Variants in IRAK2 observed in about 807,000 individuals in gnomAD.
The protein encoded by IRAK2 is interleukin-1 receptor-associated kinase-like 2.
A neutral mutation model predicts 72.0 loss-of-function variants in IRAK2; 57 were observed. That is an observed-to-expected ratio of 0.79 (90% CI 0.64 to 0.99). The LOEUF is 0.99. Among genes scored for constraint, IRAK2 ranks in the 50% least tolerant of loss-of-function variants. The pLI is 0.00. For missense variants in IRAK2, 790 were observed against 794.4 expected, an observed-to-expected ratio of 0.99 and a Z score of 0.07; for synonymous variants, 293 against 312.7, an observed-to-expected ratio of 0.94 and a Z score of 0.67.
intron 3 of IRAK2, among the ~76,000 whole-genome samples, chr3:10,201,283 G>A (rs535856898): frequency 4.5e-4 from 69 of 152,306 alleles, no homozygotes; most frequent in Non-Finnish European, 5.9e-5. Context: ...ATGTACTGCC[G>A]GGTCCCTGTT....
intron 3 of IRAK2, among the ~76,000 whole-genome samples, chr3:10,200,743 T>A (rs973030565): frequency 9.9e-5 from 15 of 152,060 alleles, no homozygotes; most frequent in African/African-American, 2.6e-4. Context: ...CAAAAAATTT[T>A]AAAAAAATCA....
chr3:10,238,967 C>A lies in IRAK2; in HGVS notation c.1693C>A (p.Leu565Met). The change falls in exon 12 of 13, where the codon CTG (leucine) becomes ATG (methionine). Residue 565 changes from leucine to methionine, a missense_variant. Physicochemically the swap from Leu to Met is conservative, Grantham distance 15 (BLOSUM62 2). Coordinates refer to ENST00000256458, the MANE Select transcript of IRAK2 (RefSeq NM_001570.4). ...LLPTENGEGR[L>M]RVIVGREADS... ...CCCCACAGAGAATGGGGAAGGAAGG[C>A]TGCGGGTCATCGTGGGAAGGGAGGC... The A allele has an allele frequency of 1.2e-6, 2 of 1,613,992 alleles. No homozygotes were observed. Among genetic ancestry groups the A allele is most frequent in the Middle Eastern group, 1.7e-4 (1 of 6,058 alleles).
chr3:10,172,427 A>G (rs1696810146), intron 1 of IRAK2, among the ~76,000 whole-genome samples: 2 of 149,342 alleles, frequency 1.3e-5, no homozygotes, highest in South Asian at 4.4e-4. Flanking sequence ...AATCCCAGCT[A>G]TTCGGGAGGC....
intron 8 of IRAK2, among the ~76,000 whole-genome samples, chr3:10,220,717 AG>A (rs1193294981): frequency 6.6e-6 from 1 of 152,154 alleles, no homozygotes; most frequent in Non-Finnish European, 1.5e-5. Context: ...CTGGGATTAC[AG>A]GTGAGAGCCA....
intron 12 of IRAK2, among the ~76,000 whole-genome samples, chr3:10,241,418 G>A (rs1332249419): frequency 6.6e-6 from 1 of 150,870 alleles, no homozygotes; most frequent in East Asian, 2.0e-4. Context: ...AATTAGTTGG[G>A]CGTGGTGGTG....
At chr3:10,185,113 G>A (rs1382181893) in intron 2 of IRAK2, among the ~76,000 whole-genome samples, 1 of 151,294 alleles carries the variant, frequency 6.6e-6, no homozygotes, top group African/African-American at 2.5e-5. Flanking sequence ...TGTGATTCGC[G>A]AAGCATCCTA....
intron 10 of IRAK2, among the ~76,000 whole-genome samples, chr3:10,233,983 C>T (rs1373264382): frequency 1.3e-5 from 2 of 152,106 alleles, no homozygotes; most frequent in Non-Finnish European, 2.9e-5. Flanking sequence ...CTGCCTCAGC[C>T]GCCCTAGTAG....
At chr3:10,175,903 A>G (rs1468033338) in intron 1 of IRAK2, among the ~76,000 whole-genome samples, 2 of 145,038 alleles carry the variant, frequency 1.4e-5, no homozygotes, top group African/African-American at 5.6e-5. Flanking sequence ...AAAAAAAAAA[A>G]AAAAAAAAAA....
chr3:10,192,266 T>C (rs1271827917), intron 2 of IRAK2, among the ~76,000 whole-genome samples: 1 of 152,212 alleles, frequency 6.6e-6, no homozygotes, highest in Non-Finnish European at 1.5e-5. Flanking sequence ...CAAATTACTG[T>C]GTAGTTTGAC....
intron 2 of IRAK2, among the ~76,000 whole-genome samples, chr3:10,189,245 T>C (rs1697135140): frequency 6.6e-6 from 1 of 151,906 alleles, no homozygotes; most frequent in Admixed American, 6.6e-5. Context: ...TAAGGAATAG[T>C]GGACCAAGAA....
chr3:10,229,359 C>T (rs965371938), intron 10 of IRAK2, among the ~76,000 whole-genome samples: 1 of 152,244 alleles, frequency 6.6e-6, no homozygotes, highest in Non-Finnish European at 1.5e-5. Flanking sequence ...AAGCGATCTT[C>T]CCATCTTGGC....
chr3:10,187,063 T>G (rs1697087961), intron 2 of IRAK2, among the ~76,000 whole-genome samples: 1 of 151,268 alleles, frequency 6.6e-6, no homozygotes, highest in South Asian at 2.1e-4. Flanking sequence ...GTGCATTTCT[T>G]TTGAGTGTCA....
intron 3 of IRAK2, among the ~76,000 whole-genome samples, chr3:10,205,304 G>A (rs1036595307): frequency 6.6e-6 from 1 of 152,226 alleles, no homozygotes; most frequent in African/African-American, 2.4e-5. Context: ...GAGGAGGGGA[G>A]GGCTGGGTAG....
At position 10,242,456 on chromosome 3, in the gene IRAK2, A is replaced by T; in HGVS notation, c.*228A>T. Reference sequence around the variant, plus strand: ...AGTCTCTTCCTTTCTGGGCTTTGTTAGTCAGAGCAGGGGATCAGAGGAGAC... The same window carrying T: ...AGTCTCTTCCTTTCTGGGCTTTGTTTGTCAGAGCAGGGGATCAGAGGAGAC... On this transcript the variant is annotated 3_prime_UTR_variant, in exon 13 of 13. Coordinates refer to ENST00000256458, the MANE Select transcript of IRAK2 (RefSeq NM_001570.4). The T allele has an allele frequency of 3.0e-6, 1 of 336,940 alleles. No individual in the cohort carries two copies. Among genetic ancestry groups the T allele is most frequent in the Non-Finnish European group, 5.5e-6 (1 of 183,174 alleles). The allele number at this position is 336,940 out of a possible 1,614,324, so 20.9% of individuals were successfully genotyped here. A position where few individuals can be genotyped will look rare whatever the true frequency, so the allele number is the denominator to read the frequency against.
At chr3:10,211,859 C>T (rs1017876196) in intron 4 of IRAK2, among the ~76,000 whole-genome samples, 29 of 152,140 alleles carry the variant, frequency 1.9e-4, no homozygotes, top group African/African-American at 6.0e-4. Flanking sequence ...GGGCGGATCA[C>T]GAGGTCAGGA....
intron 3 of IRAK2, 67 bp downstream of exon 3, chr3:10,200,582 G>T: frequency 1.4e-6 from 2 of 1,414,550 alleles, no homozygotes; most frequent in Non-Finnish European, 1.9e-6. Flanking sequence ...TATCTATAAG[G>T]ACATTCAGCT....
chr3:10,204,941 C>G (rs920875776), intron 3 of IRAK2, among the ~76,000 whole-genome samples: 2 of 152,168 alleles, frequency 1.3e-5, no homozygotes, highest in Non-Finnish European at 2.9e-5. Context: ...TATCACCCAA[C>G]AAGTATCCCA....
At chr3:10,203,263 C>T (rs1697390075) in intron 3 of IRAK2, among the ~76,000 whole-genome samples, 1 of 151,932 alleles carries the variant, frequency 6.6e-6, no homozygotes, top group Admixed American at 6.6e-5. Context: ...TCCCAAAGTG[C>T]TGGGATTACA....
chr3:10,195,869 G>A (rs1183437713), intron 2 of IRAK2, among the ~76,000 whole-genome samples: 1 of 152,174 alleles, frequency 6.6e-6, no homozygotes, highest in Non-Finnish European at 1.5e-5. Flanking sequence ...CTTTCCAGGA[G>A]CATAAGCCCC....
Sources: allele counts gnomAD v4.1 joint callset (sites outside exome capture counted in the v4.1 genomes callset), GRCh38; gene constraint gnomAD v4.1.1; transcripts MANE v1.5; gene names NCBI Gene and HGNC (gene_info 2026-07-23, HGNC 2026-07-21).